ZNF430: variants seen among roughly 807,000 people sequenced by gnomAD.
ZNF430 encodes the protein zinc finger protein 430.
In ZNF430, 35 loss-of-function variants were observed where a neutral mutation model predicts 56.7. The ratio of observed to expected loss-of-function variants is 0.62; its 90% CI spans 0.47 to 0.82. ZNF430 has a LOEUF of 0.82. Ranked by LOEUF, ZNF430 falls within the 40% of genes least tolerant of loss-of-function variation. The pLI is 0.00. For synonymous variants in ZNF430, 212 were observed against 224.3 expected (o/e 0.94, Z 0.49); for missense variants, 574 against 661.0 (o/e 0.87, Z 1.44).
chr19:21,054,603 AT>A (rs1968337863), intron 4 of ZNF430, among the ~76,000 whole-genome samples: 1 of 139,694 alleles, frequency 7.2e-6, no homozygotes, highest in Non-Finnish European at 1.6e-5. Context: ...GTGCTTATAT[AT>A]GTGTTTGTTA....
intron 4 of ZNF430, chr19:21,049,689 C>CAACATTTCTTGTTACATTTTGTGT (rs1968249574): frequency 2.3e-5 from 3 of 133,198 alleles, no homozygotes; most frequent in South Asian, 4.9e-4. Flanking sequence ...ACATTTCGTG[C>CAACATTTCTTGTTACATTTTGTGT]AACATTTCTT....
Position 21,059,389 on chromosome 19 carries a change from C to T in ZNF430, c.*1368C>T, listed in dbSNP as rs1440730682. On this transcript the variant is annotated 3_prime_UTR_variant, in exon 5 of 5. Transcript: ENST00000261560. ...AGAAAACACGGCTCTACTAAAAATA[C>T]AAAATTAGCCAGCTGTGGTGGTGTA... 2 of 151,944 alleles carry T rather than the reference C, an allele frequency of 1.3e-5. No individual in the cohort carries two copies. The highest frequency in any genetic ancestry group is 3.9e-4 in the East Asian group (2 of 5,172). The allele number at this position is 151,944 out of a possible 1,614,324, so 9.4% of individuals were successfully genotyped here.
In ZNF430 at chr19:21,022,842, G is replaced by A; in HGVS notation, c.57G>A (p.Gly19=). 1.2e-6 allele frequency: 2 copies of A among 1,613,942 alleles called. No homozygotes were observed. The highest frequency in any genetic ancestry group is 2.2e-5 in the East Asian group (1 of 44,878). The change falls in exon 2 of 5, where the codon GGG becomes GGA. Residue 19 remains glycine (G), a synonymous_variant. Transcript: ENST00000261560. ...TCAAGGAAGCAAGTGGATGCCCTGG[G>A]GCTGACAGGAATCTTCTGGTGTACT... The part of the protein sequence containing the change: ...YPLKEASGCP[G]ADRNLLVYSF...
intron 4 of ZNF430, among the ~76,000 whole-genome samples, chr19:21,051,534 C>A (rs941308685): frequency 2.0e-5 from 3 of 152,222 alleles, no homozygotes; most frequent in Non-Finnish European, 4.4e-5. Context: ...CACTTTGTCA[C>A]CCGGGCTGGA....
intron 2 of ZNF430, among the ~76,000 whole-genome samples, chr19:21,024,501 C>T (rs1967755579): frequency 6.6e-6 from 1 of 152,050 alleles, no homozygotes. Context: ...TGGAGACGGC[C>T]GGATGCTGTG....
At chr19:21,056,548 G>T in intron 4 of ZNF430, 83 bp from the exon 5 acceptor site, 2 of 1,053,384 alleles carry the variant, frequency 1.9e-6, no homozygotes, top group Non-Finnish European at 2.6e-6. Flanking sequence ...TATGTAGTTT[G>T]TATAATTATA....
At chr19:21,033,355 C>A in intron 2 of ZNF430, 101 bp from the exon 3 acceptor site, 2 of 1,455,880 alleles carry the variant, frequency 1.4e-6, no homozygotes, top group Admixed American at 2.3e-5. Context: ...AAATCAGAAC[C>A]AATTCTCTTT....
intron 3 of ZNF430, among the ~76,000 whole-genome samples, chr19:21,033,876 C>A (rs1444203175): frequency 6.6e-6 from 1 of 152,014 alleles, no homozygotes; most frequent in East Asian, 1.9e-4. Context: ...TATTTGCCGC[C>A]ACCAATTTTT....
At chr19:21,036,189 A>G (rs1022017195) in intron 4 of ZNF430, 1 of 155,228 alleles carries the variant, frequency 6.4e-6, no homozygotes, top group African/African-American at 2.4e-5. Flanking sequence ...AATCAGCCAT[A>G]TGTCTGTCAC....
intron 4 of ZNF430, chr19:21,035,517 T>C: frequency 4.8e-6 from 1 of 208,320 alleles, no homozygotes; most frequent in South Asian, 8.9e-5. Context: ...AAAAATGTTT[T>C]TGACTCATTA....
intron 2 of ZNF430, among the ~76,000 whole-genome samples, chr19:21,033,053 T>A (rs1176399021): frequency 6.6e-6 from 1 of 152,052 alleles, no homozygotes; most frequent in African/African-American, 2.4e-5. Context: ...AGATAATATT[T>A]CTGTGTGAAA....
chr19:21,051,086 T>C (rs1475865293), intron 4 of ZNF430, among the ~76,000 whole-genome samples: 1 of 152,196 alleles, frequency 6.6e-6, no homozygotes, highest in East Asian at 1.9e-4. Flanking sequence ...ATGCAACATA[T>C]CCCTATAATA....
At chr19:21,020,938 C>T in intron 1 of ZNF430, 135 bp downstream of exon 1, 2 of 1,254,540 alleles carry the variant, frequency 1.6e-6, no homozygotes, top group Non-Finnish European at 2.3e-6. Context: ...CCAGCTGGGC[C>T]TCAGTCCCCA....
chr19:21,048,743 T>C (rs1369802133), intron 4 of ZNF430, among the ~76,000 whole-genome samples: 2 of 151,844 alleles, frequency 1.3e-5, no homozygotes, highest in Admixed American at 6.6e-5. Context: ...GGCTCCTCAC[T>C]TCCCAGAAGG....
intron 4 of ZNF430, among the ~76,000 whole-genome samples, chr19:21,046,732 G>C (rs1968191133): frequency 6.6e-6 from 1 of 152,054 alleles, no homozygotes; most frequent in Admixed American, 6.6e-5. Flanking sequence ...TTTGTCTATA[G>C]GTGATGTGGC....
intron 4 of ZNF430, among the ~76,000 whole-genome samples, chr19:21,037,939 G>GT (rs1407393740): frequency 1.3e-5 from 2 of 150,848 alleles, no homozygotes; most frequent in South Asian, 2.1e-4. Context: ...AGTTTTAAGG[G>GT]TTTTTTATAT....
At chr19:21,045,772 T>TAAA (rs1968177564) in intron 4 of ZNF430, among the ~76,000 whole-genome samples, 1 of 152,230 alleles carries the variant, frequency 6.6e-6, no homozygotes, top group Admixed American at 6.5e-5. Flanking sequence ...TTGATTCCTT[T>TAAA]AGCATTATGT....
chr19:21,044,119 C>T (rs955944006), intron 4 of ZNF430, among the ~76,000 whole-genome samples: 9 of 151,484 alleles, frequency 5.9e-5, no homozygotes, highest in African/African-American at 9.7e-5. Flanking sequence ...TCCAATACTA[C>T]GTTGAATAAG....
At chr19:21,041,919 G>A (rs1453609136) in intron 4 of ZNF430, among the ~76,000 whole-genome samples, 2 of 152,090 alleles carry the variant, frequency 1.3e-5, no homozygotes, top group Non-Finnish European at 2.9e-5. Context: ...TCGCCACACT[G>A]GCCAGGATGG....
Sources: allele counts gnomAD v4.1 joint callset (sites outside exome capture counted in the v4.1 genomes callset), GRCh38; gene constraint gnomAD v4.1.1; transcripts MANE v1.5; gene names NCBI Gene and HGNC (gene_info 2026-07-23, HGNC 2026-07-21).